The following GALNT14 variants were observed in gnomAD, a reference collection of about 807,000 sequenced individuals.
The protein encoded by GALNT14 is polypeptide N-acetylgalactosaminyltransferase 14.
Under a neutral mutation model 77.5 loss-of-function variants are expected in GALNT14, and 60 were observed. The observed-to-expected ratio is 0.77, with a 90% CI of 0.63 to 0.96. GALNT14 has a LOEUF of 0.96. Ranked by LOEUF, GALNT14 falls within the 40% of genes least tolerant of loss-of-function variation. GALNT14 has a pLI of 0.00. For synonymous variants in GALNT14, 280 were observed against 281.7 expected (o/e 0.99, Z 0.06); for missense variants, 710 against 731.0 (o/e 0.97, Z 0.33).
intron 1 of GALNT14, among the ~76,000 whole-genome samples, chr2:31,011,632 C>T (rs1012114425): frequency 2.8e-4 from 42 of 152,060 alleles, no homozygotes; most frequent in African/African-American, 9.9e-4. Context: ...GAGGAGAGGG[C>T]GCCTCTCTGA....
At chr2:31,117,941 G>T (rs1678194656) in intron 1 of GALNT14, among the ~76,000 whole-genome samples, 1 of 152,170 alleles carries the variant, frequency 6.6e-6, no homozygotes, top group Non-Finnish European at 1.5e-5. Context: ...AGAAGAATAT[G>T]GCAGATCGTG....
chr2:31,104,111 G>A (rs186804506), intron 1 of GALNT14, among the ~76,000 whole-genome samples: 61 of 152,136 alleles, frequency 4.0e-4, no homozygotes, highest in Non-Finnish European at 8.4e-4. Context: ...TGGCCAACCT[G>A]GTATTTTTCT....
intron 1 of GALNT14, among the ~76,000 whole-genome samples, chr2:31,008,109 A>G (rs1379462220): frequency 6.6e-6 from 1 of 152,160 alleles, no homozygotes; most frequent in Non-Finnish European, 1.5e-5. Context: ...TATTGGAGAC[A>G]GGGTCTTGCT....
intron 1 of GALNT14, among the ~76,000 whole-genome samples, chr2:31,076,726 T>C (rs1675821284): frequency 6.6e-6 from 1 of 151,962 alleles, no homozygotes; most frequent in Non-Finnish European, 1.5e-5. Context: ...AATAATACTG[T>C]CTTACTGATT....
intron 1 of GALNT14, among the ~76,000 whole-genome samples, chr2:31,084,466 C>T (rs896752768): frequency 7.2e-5 from 11 of 152,166 alleles, no homozygotes; most frequent in African/African-American, 1.4e-4. Flanking sequence ...ATGTAAAGCA[C>T]GGCAGTTGAT....
chr2:31,058,137 C>T (rs781450028), intron 1 of GALNT14, among the ~76,000 whole-genome samples: 12 of 152,210 alleles, frequency 7.9e-5, no homozygotes, highest in Non-Finnish European at 1.3e-4. Flanking sequence ...AAAGTCCTTT[C>T]CATGAAAGTC....
chr2:31,073,074 C>T (rs1251015330), intron 1 of GALNT14: 1 of 152,170 alleles, frequency 6.6e-6, no homozygotes, highest in African/African-American at 2.4e-5. Flanking sequence ...TGGGATAGTA[C>T]GTAAGGGCTT....
At chr2:31,135,804 G>C (rs1053485423) in intron 1 of GALNT14, among the ~76,000 whole-genome samples, 1 of 152,166 alleles carries the variant, frequency 6.6e-6, no homozygotes. Flanking sequence ...CAAAGGACAG[G>C]GACACAGCGT....
At chr2:31,051,253 G>A (rs953426025) in intron 1 of GALNT14, among the ~76,000 whole-genome samples, 31 of 152,348 alleles carry the variant, frequency 2.0e-4, no homozygotes, top group African/African-American at 7.0e-4. Context: ...ACCGGGCTAG[G>A]CTGCAGTGCG....
intron 8 of GALNT14, among the ~76,000 whole-genome samples, chr2:30,943,671 T>C (rs1431793082): frequency 6.6e-6 from 1 of 152,214 alleles, no homozygotes; most frequent in Non-Finnish European, 1.5e-5. Context: ...GAGGAGCTGA[T>C]GTGAGCTGTG....
At chr2:31,022,064 C>T (rs1393148706) in intron 1 of GALNT14, among the ~76,000 whole-genome samples, 2 of 152,206 alleles carry the variant, frequency 1.3e-5, no homozygotes, top group South Asian at 2.1e-4. Context: ...ATTCCGTCTT[C>T]CCTGTGGTTC....
chr2:31,063,005 C>T (rs1416512039), intron 1 of GALNT14, among the ~76,000 whole-genome samples: 8 of 152,104 alleles, frequency 5.3e-5, no homozygotes, highest in Admixed American at 5.2e-4. Context: ...TTCTCCCATT[C>T]TGTAGGTTGT....
chr2:31,025,357 C>G (rs968386256), intron 1 of GALNT14, among the ~76,000 whole-genome samples: 1 of 152,276 alleles, frequency 6.6e-6, no homozygotes, highest in Admixed American at 6.5e-5. Flanking sequence ...ATCTCATGAC[C>G]TGCAAGGTGC....
the GALNT14 span, among the ~76,000 whole-genome samples, chr2:30,903,984 T>A: frequency 6.6e-6 from 1 of 152,190 alleles, no homozygotes; most frequent in Non-Finnish European, 1.5e-5. Flanking sequence ...AAGAAACTTC[T>A]ATGCTAAAGG....
intron 1 of GALNT14, among the ~76,000 whole-genome samples, chr2:31,049,590 G>C (rs1399859322): frequency 6.6e-6 from 1 of 152,212 alleles, no homozygotes; most frequent in Non-Finnish European, 1.5e-5. Context: ...TGAGGGTGGA[G>C]GTCAGAGGTT....
rs554615744 is a variant in GALNT14 at position 31,091,774 on chromosome 2, G to C, written c.129+46184C>G. Reference sequence around the variant, plus strand: ...GGGAGCCCTCTGGGGTCTTGTGATGGTTAATACTTAGTGTCAGTCAACCTG... The same window carrying C: ...GGGAGCCCTCTGGGGTCTTGTGATGCTTAATACTTAGTGTCAGTCAACCTG... On this transcript the variant is annotated intron_variant, in intron 1 of 14. Transcript: ENST00000349752. 7.9e-5 allele frequency among the ~76,000 whole-genome samples: 12 copies of C among 152,258 alleles called. No individual in the cohort carries two copies. In the South Asian group the frequency reaches 2.5e-3, roughly 32 times the overall value.
intron 4 of GALNT14, among the ~76,000 whole-genome samples, chr2:30,956,410 T>C (rs114927534): frequency 0.011 from 1,645 of 152,348 alleles, 23 homozygotes; most frequent in African/African-American, 0.038. Flanking sequence ...CAGGAAATGT[T>C]TTGATCCAGG....
chr2:31,107,363 C>A (rs189280539), intron 1 of GALNT14, among the ~76,000 whole-genome samples: 1 of 152,186 alleles, frequency 6.6e-6, no homozygotes, highest in African/African-American at 2.4e-5. Context: ...CCTGAGCCCA[C>A]CAGGTACTCT....
At chr2:31,038,084 ATTTTTTT>A (rs1196402402) in intron 1 of GALNT14, among the ~76,000 whole-genome samples, 13 of 52,640 alleles carry the variant, frequency 2.5e-4, no homozygotes, top group African/African-American at 9.2e-4. Context: ...ATATATATAT[ATTTTTTT>A]TTTTTTTTTT....
Sources: allele counts gnomAD v4.1 joint callset (sites outside exome capture counted in the v4.1 genomes callset), GRCh38; gene constraint gnomAD v4.1.1; transcripts MANE v1.5; gene names NCBI Gene and HGNC (gene_info 2026-07-23, HGNC 2026-07-21).